Variants in MGST1 observed in about 807,000 individuals in gnomAD.
MGST1 encodes the protein glutathione S-transferase 12.
Under a neutral mutation model 8.9 loss-of-function variants are expected in MGST1, and 5 were observed. That is an observed-to-expected ratio of 0.56 (90% confidence interval 0.29 to 1.19). The LOEUF is 1.19. Among genes scored for constraint, MGST1 ranks in the 50% most tolerant of loss-of-function variants. MGST1 has a pLI of 0.08. For missense variants in MGST1, 182 were observed against 187.4 expected, an observed-to-expected ratio of 0.97 and a Z score of 0.17; for synonymous variants, 54 against 67.8, an observed-to-expected ratio of 0.80 and a Z score of 1.00.
chr12:16,484,487 A>T (rs1418009030), intron 4 of MGST1, among the ~76,000 whole-genome samples: 1 of 152,164 alleles, frequency 6.6e-6, no homozygotes, highest in Non-Finnish European at 1.5e-5. Flanking sequence ...GAAACTGGGT[A>T]GATGGGTAAT....
chr12:16,533,885 C>T (rs543855610), intron 4 of MGST1, among the ~76,000 whole-genome samples: 70 of 151,984 alleles, frequency 4.6e-4, no homozygotes, highest in East Asian at 9.7e-4. Context: ...TAATGTTTGC[C>T]GGGAAGAGAA....
chr12:16,365,446 A>G (rs1940168343), downstream of MGST1, among the ~76,000 whole-genome samples: 1 of 152,164 alleles, frequency 6.6e-6, no homozygotes, highest in African/African-American at 2.4e-5. Context: ...ACATTTGTGA[A>G]TTGTTCATTT....
At position 16,582,024 on chromosome 12, in the gene MGST1, A is replaced by C. The variant is rs1022236250; in HGVS notation, n.483-7504A>C. Among the ~76,000 whole-genome samples, 2 of 152,146 alleles carry C rather than the reference A, an allele frequency of 1.3e-5. No homozygotes were observed. Among genetic ancestry groups the C allele is most frequent in the Non-Finnish European group, 2.9e-5 (2 of 68,014 alleles). ...TTATTACATTGGCTAGACCCTTTAA[A>C]ACATTAAATATGAGGGACAATAATG... On this transcript the variant is annotated intron_variant and non_coding_transcript_variant, in intron 4 of 4. Coordinates refer to the MGST1 transcript ENST00000538857. The surrounding 1 kb of genome is among the most constrained non-coding windows in gnomAD (Gnocchi z 4.1).
At chr12:16,561,903 A>C (rs1942419790) in intron 4 of MGST1, among the ~76,000 whole-genome samples, 1 of 152,220 alleles carries the variant, frequency 6.6e-6, no homozygotes, top group African/African-American at 2.4e-5. Flanking sequence ...TAGTCTGTGC[A>C]CTTGATAAAA....
At chr12:16,399,665 C>A (rs1419966515) in intron 1 of MGST1, 2 of 1,555,426 alleles carry the variant, frequency 1.3e-6, no homozygotes, top group Non-Finnish European at 1.8e-6. Flanking sequence ...CCAGAAAAGA[C>A]CAGACACCTT....
At chr12:16,446,001 A>C (rs4483647) in intron 4 of MGST1, among the ~76,000 whole-genome samples, 97,182 of 151,698 alleles carry the variant, frequency 0.64, 31,337 homozygotes, top group East Asian at 0.81. Context: ...TCTAATTGGC[A>C]TGTATGTCAA....
At chr12:16,542,546 G>T (rs1313984568) in intron 4 of MGST1, among the ~76,000 whole-genome samples, 1 of 152,118 alleles carries the variant, frequency 6.6e-6, no homozygotes, top group Non-Finnish European at 1.5e-5. Flanking sequence ...AAATCTCAGA[G>T]TCATACTTGA....
At chr12:16,374,283 G>A (rs770905929) in intron 3 of MGST1, among the ~76,000 whole-genome samples, 3 of 151,892 alleles carry the variant, frequency 2.0e-5, no homozygotes, top group Non-Finnish European at 2.9e-5. Flanking sequence ...TTATGCTCAC[G>A]GTGGTGATTT....
At chr12:16,372,575 G>A (rs1407587637) in intron 3 of MGST1, among the ~76,000 whole-genome samples, 2 of 152,046 alleles carry the variant, frequency 1.3e-5, no homozygotes, top group East Asian at 1.9e-4. Context: ...TACACTGTTG[G>A]TGGGGATGTA....
chr12:16,493,503 C>T (rs183254467), intron 4 of MGST1, among the ~76,000 whole-genome samples: 1 of 152,188 alleles, frequency 6.6e-6, no homozygotes, highest in African/African-American at 2.4e-5. Context: ...TTGGAAAACA[C>T]CGGTTTAAGT....
intron 1 of MGST1, among the ~76,000 whole-genome samples, chr12:16,425,112 A>G (rs1710545904): frequency 6.6e-6 from 1 of 152,208 alleles, no homozygotes; most frequent in African/African-American, 2.4e-5. Context: ...CAGGGTTAGA[A>G]TGAATAATCA....
intron 1 of MGST1, among the ~76,000 whole-genome samples, chr12:16,431,837 A>G (rs907012115): frequency 3.9e-5 from 6 of 152,200 alleles, no homozygotes; most frequent in Admixed American, 2.6e-4. Context: ...ACAACAACAA[A>G]CAACAACAAA....
chr12:16,399,493 A>G (rs1232691898), intron 1 of MGST1: 13 of 1,560,322 alleles, frequency 8.3e-6, no homozygotes, highest in East Asian at 2.2e-5. Flanking sequence ...TCACTACCCA[A>G]CGACTCCTTA....
At chr12:16,562,599 A>G (rs1004800531) in intron 4 of MGST1, among the ~76,000 whole-genome samples, 3 of 152,208 alleles carry the variant, frequency 2.0e-5, no homozygotes, top group Admixed American at 6.5e-5. Flanking sequence ...CCACTACATT[A>G]ACCACTGGGA....
chr12:16,461,634 A>G (rs1591736239), intron 4 of MGST1, among the ~76,000 whole-genome samples: 2 of 152,170 alleles, frequency 1.3e-5, no homozygotes, highest in African/African-American at 4.8e-5. Flanking sequence ...ATGAGAAAAA[A>G]ACATTTCAAC....
intron 4 of MGST1, among the ~76,000 whole-genome samples, chr12:16,485,132 C>A (rs760956158): frequency 2.0e-5 from 3 of 152,164 alleles, no homozygotes; most frequent in Non-Finnish European, 4.4e-5. Flanking sequence ...CTCTTAAAAC[C>A]CTATCTGCTC....
intron 1 of MGST1, chr12:16,400,974 G>A (rs1264977268): frequency 6.3e-6 from 9 of 1,431,034 alleles, no homozygotes; most frequent in South Asian, 3.4e-5. Flanking sequence ...TCATTGAGTT[G>A]AGCCACTAGT....
intron 2 of MGST1, among the ~76,000 whole-genome samples, chr12:16,357,145 T>G (rs2075237): frequency 0.17 from 25,916 of 152,252 alleles, 2,360 homozygotes; most frequent in Middle Eastern, 0.2. Flanking sequence ...GATGCCTTCT[T>G]CTCCTCTTGT....
intron 4 of MGST1, among the ~76,000 whole-genome samples, chr12:16,464,311 A>G (rs576836426): frequency 7.0e-4 from 107 of 152,290 alleles, no homozygotes; most frequent in African/African-American, 2.5e-3. Flanking sequence ...TCCAAGCTTC[A>G]TCTTTCTTTT....
Sources: gnomAD v4.1 joint callset for allele counts (sites outside exome capture counted in the v4.1 genomes callset) on GRCh38, gnomAD v4.1.1 for gene constraint, Gnocchi (gnomAD v3.1) non-coding constraint, MANE v1.5 for transcripts, NCBI Gene and HGNC (gene_info 2026-07-23, HGNC 2026-07-21) for gene names.